Variants in CARS2 observed in about 807,000 individuals in gnomAD.
CARS2 encodes the protein cysteinyl-tRNA synthetase 2, mitochondrial.
Under a neutral mutation model 68.8 loss-of-function variants are expected in CARS2, and 52 were observed. The ratio of observed to expected loss-of-function variants is 0.76; its 90% CI spans 0.61 to 0.95. The LOEUF (loss-of-function observed/expected upper bound fraction) is 0.95, where lower values mean the gene tolerates loss of function less well. Ranked by LOEUF, CARS2 falls within the 40% of genes least tolerant of loss-of-function variation. CARS2 has a pLI of 0.00. For synonymous variants in CARS2, 314 were observed against 303.6 expected, an observed-to-expected ratio of 1.03 and a Z score of -0.36; for missense variants, 780 against 754.2, an observed-to-expected ratio of 1.03 and a Z score of -0.40.
rs1373332637 is a variant in CARS2, at chr13:110,683,147, A to C, written c.572-13T>G. On this transcript the variant is annotated splice_polypyrimidine_tract_variant and intron_variant, in intron 5 of 14. Coordinates refer to ENST00000257347, the MANE Select transcript of CARS2 (RefSeq NM_024537.4). ...AAGTAGACATTGCCTGTTTATAAAG[A>C]CAATTATGAATTCATCACTTCTCAG... is the stretch of plus-strand genomic sequence containing the variant. 13 of 1,544,248 alleles carry C rather than the reference A, an allele frequency of 8.4e-6. No homozygotes were observed.
At chr13:110,663,193 G>T in intron 9 of CARS2, 2 of 579,032 alleles carry the variant, frequency 3.5e-6, no homozygotes, top group East Asian at 3.2e-5. Flanking sequence ...AGAGGGCGCC[G>T]GCCTTGAAAC....
At position 110,667,363 on chromosome 13, in the gene CARS2, C is replaced by A; in HGVS notation, c.896G>T (p.Trp299Leu). Residue 299 changes from tryptophan (W) to leucine (L), a missense_variant, in exon 8 of 15, where the codon TGG (tryptophan) becomes TTG (leucine). Transcript: ENST00000257347. ...ACCAGAATGCAGAAAATAATTTCCCCACTGCTCGCACTGATGAAAGACTTC... is the reference window on the plus strand; with the variant it reads ...ACCAGAATGCAGAAAATAATTTCCCAACTGCTCGCACTGATGAAAGACTTC... ...QCEVFHQCEQWGNYFLHSGHL... is the reference protein window; with the variant it reads ...QCEVFHQCEQLGNYFLHSGHL... 6.2e-7 allele frequency: 1 copy of A among 1,611,800 alleles called. No individual in the cohort carries two copies. Among genetic ancestry groups the A allele is most frequent in the Non-Finnish European group, 8.5e-7 (1 of 1,179,146 alleles).
At chr13:110,654,040 T>C (rs964020481) in intron 9 of CARS2, among the ~76,000 whole-genome samples, 2 of 152,134 alleles carry the variant, frequency 1.3e-5, no homozygotes, top group African/African-American at 4.8e-5. Context: ...GAGGACCGGA[T>C]TGGCCTTCAG....
At chr13:110,644,052 A>C (rs1887762813) in intron 13 of CARS2, 1 of 1,254,694 alleles carries the variant, frequency 8.0e-7, no homozygotes, top group Admixed American at 2.5e-5. Flanking sequence ...GTCAGGAAAA[A>C]ATGTTCTCTT....
Position 110,646,045 on chromosome 13 carries a change from A to AG in CARS2, c.1238_1239insC (p.Asp415Ter), listed in dbSNP as rs1888069556. ...CATCAACCACCCTGGGTGTGTCAAAATCATCTGCCAAGGCCGCCTTCACGG... is the reference window on the plus strand; with the variant it reads ...CATCAACCACCCTGGGTGTGTCAAAAGTCATCTGCCAAGGCCGCCTTCACGG... On this transcript the variant is annotated frameshift_variant, in exon 12 of 15. Transcript: ENST00000257347. LOFTEE classifies it high-confidence loss of function. The AG allele has an allele frequency of 6.2e-7, 1 of 1,612,962 alleles. No individual in the cohort carries two copies. The highest frequency in any genetic ancestry group is 1.3e-5 in the African/African-American group (1 of 74,754).
intron 3 of CARS2, among the ~76,000 whole-genome samples, chr13:110,696,884 G>A (rs533457906): frequency 2.0e-5 from 3 of 152,076 alleles, no homozygotes; most frequent in Non-Finnish European, 2.9e-5. Flanking sequence ...CTCTTGTCCC[G>A]CTTCTCTGAT....
chr13:110,642,589 G>C, intron 13 of CARS2, 68 bp from the exon 14 acceptor site: 1 of 1,482,076 alleles, frequency 6.7e-7, no homozygotes, highest in Non-Finnish European at 9.4e-7. Context: ...TCCCCACCCC[G>C]TGGTTGGGCT....
chr13:110,658,673 A>T (rs2139730179), intron 9 of CARS2, among the ~76,000 whole-genome samples: 1 of 152,350 alleles, frequency 6.6e-6, no homozygotes, highest in Admixed American at 6.5e-5. Flanking sequence ...CTGTGATCCC[A>T]GCACTTTGGG....
chr13:110,647,127 G>A lies in CARS2; in HGVS notation c.1167C>T (p.Ser389=), dbSNP rs41275134. 314 of 1,602,568 alleles carry A rather than the reference G, an allele frequency of 2.0e-4. 1 individual carries two copies. Among genetic ancestry groups the A allele is most frequent in the South Asian group, 9.9e-4 (89 of 89,568 alleles). ...TCTCCCACAGCATCGCTTCCCTGAC[G>A]GAGCCGCAGGCCAGCTGCCCCTTCA... ...AYMKGQLACG[S]VREAMLWERL... Residue 389 remains serine, a synonymous_variant, in exon 11 of 15, where the codon TCC becomes TCT. Coordinates refer to ENST00000257347, the MANE Select transcript of CARS2 (RefSeq NM_024537.4).
In CARS2 at chr13:110,712,690, C is replaced by T. The variant is rs534777684; in HGVS notation, n.399+447G>A. 5 of 674,966 alleles carry T rather than the reference C, an allele frequency of 7.4e-6. No homozygotes were observed. The East Asian group carries it at 1.1e-4, about 15-fold the overall frequency. 41.8% of individuals were successfully genotyped at this position (674,966 alleles called of 1,614,324 possible). A position where few individuals can be genotyped will look rare whatever the true frequency, so the allele number is the denominator to read the frequency against. Reference sequence around the variant, plus strand: ...GAATGGCCTCAGGACGCCGGCCGACCGGGTGTCTGCATACTGTGGGCGGCC... The same window carrying T: ...GAATGGCCTCAGGACGCCGGCCGACTGGGTGTCTGCATACTGTGGGCGGCC... On this transcript the variant is annotated intron_variant and non_coding_transcript_variant, in intron 1 of 2. Coordinates refer to the CARS2 transcript ENST00000485188.
chr13:110,679,650 C>G (rs1361821530), intron 6 of CARS2, among the ~76,000 whole-genome samples: 6 of 43,162 alleles, frequency 1.4e-4, no homozygotes, highest in Admixed American at 2.8e-4. Context: ...CGGGCGTGAC[C>G]GGAGGGAGGG....
chr13:110,645,934 C>G (rs766810393), intron 12 of CARS2, 33 bp downstream of exon 12: 17 of 1,602,732 alleles, frequency 1.1e-5, no homozygotes, highest in Non-Finnish European at 1.3e-5. Flanking sequence ...CCCCTGGCAG[C>G]AGGACCGCAA....
intron 5 of CARS2, among the ~76,000 whole-genome samples, chr13:110,684,417 G>A (rs1416382536): frequency 4.0e-5 from 6 of 151,894 alleles, no homozygotes; most frequent in African/African-American, 1.4e-4. Flanking sequence ...CATGTCCTCA[G>A]CCTGGATGTC....
intron 13 of CARS2, chr13:110,643,961 T>C: frequency 2.4e-6 from 1 of 416,824 alleles, no homozygotes; most frequent in South Asian, 2.1e-5. Flanking sequence ...AGGTGACTCG[T>C]GCCTGTCGGG....
intron 5 of CARS2, among the ~76,000 whole-genome samples, chr13:110,685,377 C>A (rs1321371829): frequency 6.6e-6 from 1 of 152,154 alleles, no homozygotes; most frequent in East Asian, 1.9e-4. Context: ...TAAAAAGCTA[C>A]TTCCATACAC....
intron 11 of CARS2, chr13:110,646,560 G>A (rs146367116): frequency 0.01 from 1,704 of 163,706 alleles, 43 homozygotes; most frequent in African/African-American, 0.039. Flanking sequence ...GACTCTGCAT[G>A]CCGGGATGAA....
chr13:110,684,060 C>T (rs1316867482), intron 5 of CARS2, among the ~76,000 whole-genome samples: 1 of 152,152 alleles, frequency 6.6e-6, no homozygotes, highest in Non-Finnish European at 1.5e-5. Flanking sequence ...GAAAGCACTA[C>T]CAACCTATGC....
chr13:110,677,088 C>T lies in CARS2; in HGVS notation c.671G>A (p.Arg224His), dbSNP rs199589765. Residue 224 changes from arginine to histidine, a missense_variant, in exon 7 of 15, where the codon CGT (arginine) becomes CAT (histidine). Transcript: ENST00000257347. ...CCACAGGGCGAAGTCACTGGCATGA[C>T]GCTTGTCAGAGTCCGCTGCAGATGA... is the stretch of plus-strand genomic sequence containing the variant. ...PVGEPADSDKRHASDFALWKA... is the reference protein window; with the variant it reads ...PVGEPADSDKHHASDFALWKA... 42 of 1,607,650 alleles carry T rather than the reference C, an allele frequency of 2.6e-5. No individual in the cohort carries two copies. Among genetic ancestry groups the T allele is most frequent in the East Asian group, 4.5e-5 (2 of 44,448 alleles).
chr13:110,666,214 C>T (rs903626371), intron 8 of CARS2: 8 of 985,278 alleles, frequency 8.1e-6, no homozygotes, highest in South Asian at 4.7e-5. Context: ...GCAGCGTGCA[C>T]CCCCTTCCCA....
Sources: gnomAD v4.1 joint callset for allele counts (sites outside exome capture counted in the v4.1 genomes callset) on GRCh38, gnomAD v4.1.1 for gene constraint, MANE v1.5 for transcripts, NCBI Gene and HGNC (gene_info 2026-07-23, HGNC 2026-07-21) for gene names.